GABPB1: variants seen among roughly 807,000 people sequenced by gnomAD.
GABPB1 encodes GA binding protein transcription factor subunit beta 1.
In GABPB1, 15 loss-of-function variants were observed where a neutral mutation model predicts 45.9. The observed-to-expected ratio is 0.33, with a 90% CI of 0.22 to 0.50. The LOEUF (loss-of-function observed/expected upper bound fraction) is 0.50, where lower values mean the gene tolerates loss of function less well. GABPB1 is among the 20% of genes least tolerant of loss of function. The probability of loss-of-function intolerance (pLI) is 0.98; values close to 1 mark genes in which losing one functional copy is unlikely to be tolerated. For synonymous variants in GABPB1, 143 were observed against 154.4 expected (o/e 0.93, Z 0.55); for missense variants, 252 against 457.5 (o/e 0.55, Z 4.10).
intron 7 of GABPB1, among the ~76,000 whole-genome samples, chr15:50,288,851 A>C (rs2140984515): frequency 6.6e-6 from 1 of 151,584 alleles, no homozygotes; most frequent in African/African-American, 2.4e-5. Context: ...TCTGAGAAAG[A>C]GTTTCTCTCT....
At chr15:50,310,901 C>T (rs1419976013) in intron 1 of GABPB1, among the ~76,000 whole-genome samples, 1 of 151,230 alleles carries the variant, frequency 6.6e-6, no homozygotes, top group African/African-American at 2.4e-5. Context: ...CACTTGAACC[C>T]AGGAGGCGGA....
At chr15:50,354,052 AG>A (rs1246116422) in intron 1 of GABPB1, 2 of 230,706 alleles carry the variant, frequency 8.7e-6, no homozygotes, top group Non-Finnish European at 1.8e-5. Context: ...TAAAGTGGGA[AG>A]ACACACACAA....
chr15:50,335,313 T>A (rs1215492002), intron 1 of GABPB1, among the ~76,000 whole-genome samples: 1 of 152,194 alleles, frequency 6.6e-6, no homozygotes, highest in East Asian at 1.9e-4. Flanking sequence ...CAAGCCTAAT[T>A]AGGCAAGAAT....
chr15:50,305,409 A>G (rs1164498643), intron 2 of GABPB1, among the ~76,000 whole-genome samples: 2 of 152,064 alleles, frequency 1.3e-5, no homozygotes, highest in Non-Finnish European at 2.9e-5. Context: ...GGATATTCAT[A>G]GGTACAATTA....
intron 1 of GABPB1, among the ~76,000 whole-genome samples, chr15:50,313,701 T>G (rs986046228): frequency 6.6e-6 from 1 of 152,102 alleles, no homozygotes; most frequent in Non-Finnish European, 1.5e-5. Flanking sequence ...TATGCCACAT[T>G]ATGAAAAGAT....
chr15:50,312,409 T>C (rs1400540935), intron 1 of GABPB1, among the ~76,000 whole-genome samples: 1 of 152,150 alleles, frequency 6.6e-6, no homozygotes, highest in Non-Finnish European at 1.5e-5. Context: ...ATGGAGTCAC[T>C]GAAAGCCAAG....
chr15:50,324,484 G>A (rs1333195339), intron 1 of GABPB1, among the ~76,000 whole-genome samples: 1 of 151,450 alleles, frequency 6.6e-6, no homozygotes, highest in African/African-American at 2.4e-5. Context: ...GGGCTCCCCT[G>A]GCTTTGAAGC....
chr15:50,334,500 T>C (rs1039123343), intron 1 of GABPB1, among the ~76,000 whole-genome samples: 21 of 147,998 alleles, frequency 1.4e-4, no homozygotes, highest in Admixed American at 6.9e-5. Context: ...CTTTTTCTTT[T>C]TTTCCTTTTT....
At chr15:50,325,482 C>T (rs2047720493) in intron 1 of GABPB1, among the ~76,000 whole-genome samples, 2 of 151,746 alleles carry the variant, frequency 1.3e-5, no homozygotes, top group East Asian at 1.9e-4. Flanking sequence ...CTGTGGTTCA[C>T]TATATTTCTA....
chr15:50,310,407 T>C (rs1186059399), intron 1 of GABPB1, among the ~76,000 whole-genome samples: 1 of 152,176 alleles, frequency 6.6e-6, no homozygotes, highest in Non-Finnish European at 1.5e-5. Context: ...TGGTCTAAAA[T>C]TTAAAACTGG....
At chr15:50,303,183 T>A (rs948175057) in intron 3 of GABPB1, 60 bp from the exon 4 acceptor site, 2 of 1,290,416 alleles carry the variant, frequency 1.5e-6, no homozygotes, top group Admixed American at 4.1e-5. Context: ...AAATTCCTGA[T>A]ATGAAATTAT....
intron 8 of GABPB1, among the ~76,000 whole-genome samples, chr15:50,278,997 G>A (rs2045895951): frequency 6.6e-6 from 1 of 151,990 alleles, no homozygotes; most frequent in Admixed American, 6.6e-5. Flanking sequence ...ATTAATTTCT[G>A]ACTGCAAGGA....
chr15:50,282,560 G>GAAAAACAAAAAAAAAAAAAAAA (rs2046013980), intron 8 of GABPB1, among the ~76,000 whole-genome samples: 1 of 88,992 alleles, frequency 1.1e-5, no homozygotes, highest in Non-Finnish European at 2.3e-5. Flanking sequence ...CCTTAAAAAA[G>GAAAAACAAAAAAAAAAAAAAAA]AAAAAAAAAA....
chr15:50,335,895 C>CAA (rs775073809), intron 1 of GABPB1, among the ~76,000 whole-genome samples: 204 of 79,206 alleles, frequency 2.6e-3, no homozygotes, highest in Non-Finnish European at 3.7e-3. Context: ...GACTCCGACT[C>CAA]AAAAAAAAAA....
intron 1 of GABPB1, chr15:50,354,469 GC>G (rs1444649472): frequency 6.7e-6 from 3 of 446,342 alleles, no homozygotes; most frequent in Non-Finnish European, 1.3e-5. Context: ...CACCCTCGCC[GC>G]CCGTTCCCCT....
chr15:50,289,713 T>G, intron 6 of GABPB1, 45 bp from the exon 7 acceptor site: 3 of 1,460,658 alleles, frequency 2.1e-6, no homozygotes, highest in Non-Finnish European at 2.8e-6. Flanking sequence ...TGTAACGGTA[T>G]GAATAGAAAC....
chr15:50,278,491 G>A lies in GABPB1; in HGVS notation c.*141C>T. 2.0e-6 allele frequency: 1 copy of A among 510,470 alleles called. No individual in the cohort carries two copies. The highest frequency in any genetic ancestry group is 5.0e-5 in the South Asian group (1 of 20,004). 31.6% of individuals were successfully genotyped at this position (510,470 alleles called of 1,614,324 possible). ...TAAAGTTTTATGTTACAAGAACTCA[G>A]AGCTCATGGCTTAAGTCCAATTATC... On this transcript the variant is annotated 3_prime_UTR_variant, in exon 9 of 9. Coordinates refer to ENST00000380877, the MANE Select transcript of GABPB1 (RefSeq NM_016654.5).
At chr15:50,289,288 A>G (rs1308015639) in intron 7 of GABPB1, among the ~76,000 whole-genome samples, 195 bp downstream of exon 7, 1 of 152,214 alleles carries the variant, frequency 6.6e-6, no homozygotes, top group Non-Finnish European at 1.5e-5. Flanking sequence ...AAGCAAATAA[A>G]ATTAGGTAAT....
chr15:50,283,738 C>T (rs1013712198), intron 8 of GABPB1, among the ~76,000 whole-genome samples: 1 of 152,160 alleles, frequency 6.6e-6, no homozygotes, highest in African/African-American at 2.4e-5. Flanking sequence ...TCTCGAACTC[C>T]TGACCTCAGG....
Sources: gnomAD v4.1 joint callset for allele counts (sites outside exome capture counted in the v4.1 genomes callset) on GRCh38, gnomAD v4.1.1 for gene constraint, MANE v1.5 for transcripts, NCBI Gene and HGNC (gene_info 2026-07-23, HGNC 2026-07-21) for gene names.